The following ATP4A variants were observed in gnomAD, a reference collection of about 807,000 sequenced individuals.
The protein encoded by ATP4A is potassium-transporting ATPase alpha chain 1.
In ATP4A, 73 loss-of-function variants were observed where a neutral mutation model predicts 112.1. That is an observed-to-expected ratio of 0.65 (90% CI 0.54 to 0.79). The LOEUF (loss-of-function observed/expected upper bound fraction) is 0.79, where lower values mean the gene tolerates loss of function less well. Ranked by LOEUF, ATP4A falls within the 30% of genes least tolerant of loss-of-function variation. The pLI, the probability that ATP4A is intolerant of heterozygous loss-of-function variation, is 0.00. For missense variants in ATP4A, 1,081 were observed against 1,425.9 expected (o/e 0.76, Z 3.90); for synonymous variants, 588 against 588.9 (o/e 1.00, Z 0.02).
chr19:35,559,051 C>T lies in ATP4A; in HGVS notation c.1197G>A (p.Val399=). ...TGTGGTTGTCAAACCACAGATGGGA[C>T]ACAGTCATGCGGTTCTGAGTGAGAG... ...TGTLTQNRMT[V]SHLWFDNHIH... is the part of the protein sequence containing the mutation. Residue 399 remains valine, a synonymous_variant, in exon 8 of 22, where the codon GTG becomes GTA. Coordinates refer to ENST00000262623, the MANE Select transcript of ATP4A (RefSeq NM_000704.3). The surrounding 1 kb of genome is among the most constrained non-coding windows in gnomAD (Gnocchi z 4.1). 1 of 1,614,232 alleles carries T rather than the reference C, an allele frequency of 6.2e-7. No individual in the cohort carries two copies. The highest frequency in any genetic ancestry group is 8.5e-7 in the Non-Finnish European group (1 of 1,180,042).
chr19:35,562,927 G>A (rs77824278), intron 3 of ATP4A, among the ~76,000 whole-genome samples: 1,559 of 149,962 alleles, frequency 0.01, 60 homozygotes, highest in East Asian at 0.096. Context: ...TCCTCTCTCC[G>A]TCTCTGTGTG....
Position 35,557,130 on chromosome 19 carries a change from C to A in ATP4A, c.1694-42G>T, listed in dbSNP as rs1380923173. On this transcript the variant is annotated intron_variant, in intron 11 of 21. Transcript: ENST00000262623. The surrounding 1 kb of genome is among the most constrained non-coding windows in gnomAD (Gnocchi z 4.4). Reference sequence around the variant, plus strand: ...AAGTCAGGGAAGAGCCCTGGGCACACCCTTTCTTAGCAGGGCCAGGAAATG... The same window carrying A: ...AAGTCAGGGAAGAGCCCTGGGCACAACCTTTCTTAGCAGGGCCAGGAAATG... 6.8e-6 allele frequency: 11 copies of A among 1,607,142 alleles called. No homozygotes were observed. The highest frequency in any genetic ancestry group is 9.4e-6 in the Non-Finnish European group (11 of 1,175,612).
chr19:35,552,931 C>G (rs1373321190), intron 18 of ATP4A, 106 bp downstream of exon 18: 14 of 1,409,696 alleles, frequency 9.9e-6, no homozygotes, highest in Non-Finnish European at 1.2e-5. Context: ...CCGGGATGCT[C>G]TGGCTGAACT....
chr19:35,560,048 G>A lies in ATP4A; in HGVS notation c.813C>T (p.Asn271=). Residue 271 remains asparagine, a synonymous_variant, in exon 7 of 22, where the codon AAC becomes AAT. Transcript: ENST00000262623. This position sits in a 1 kb window ranked among gnomAD's most constrained non-coding sequence, Gnocchi z 5.1. The stretch of plus-strand genomic sequence containing the variant: ...GCCCAATGATGGTGCGGTCGCCCGT[G>A]TTCACCACCAGGCCCTGCACGGTGC... ...LEGTVQGLVV[N]TGDRTIIGRI... 1 of 1,614,108 alleles carries A rather than the reference G, an allele frequency of 6.2e-7. No individual in the cohort carries two copies. Among genetic ancestry groups the A allele is most frequent in the Non-Finnish European group, 8.5e-7 (1 of 1,179,958 alleles).
Position 35,555,669 on chromosome 19 carries a change from G to A in ATP4A, c.2006+7C>T. 2 of 1,596,952 alleles carry A rather than the reference G, an allele frequency of 1.3e-6. No homozygotes were observed. Among genetic ancestry groups the A allele is most frequent in the Non-Finnish European group, 1.7e-6 (2 of 1,166,082 alleles). On this transcript the variant is annotated splice_region_variant and intron_variant, in intron 13 of 21. Coordinates refer to ENST00000262623, the MANE Select transcript of ATP4A (RefSeq NM_000704.3). This position sits in a 1 kb window ranked among gnomAD's most constrained non-coding sequence, Gnocchi z 6.6. The stretch of plus-strand genomic sequence containing the variant: ...GGAGAACCCCGGGGAGGTCTGGGGG[G>A]GCTTACTTGCGATTAACCTGGTCTA...
Position 35,560,346 on chromosome 19 carries a change from G to T in ATP4A, c.787+17C>A. 6.2e-7 allele frequency: 1 copy of T among 1,611,706 alleles called. No individual in the cohort carries two copies. The highest frequency in any genetic ancestry group is 1.1e-5 in the South Asian group (1 of 91,022). On this transcript the variant is annotated intron_variant, in intron 6 of 21. Transcript: ENST00000262623. The surrounding 1 kb of genome is among the most constrained non-coding windows in gnomAD (Gnocchi z 5.1). Reference sequence around the variant, plus strand: ...GAGGCAGCAGTTACTGGGCAGGCAGGCGGGGGCTTCACAGACCCTCAAGGC... The same window carrying T: ...GAGGCAGCAGTTACTGGGCAGGCAGTCGGGGGCTTCACAGACCCTCAAGGC...
In ATP4A at chr19:35,550,536, G is replaced by T. The variant is rs2071595296; in HGVS notation, c.*79C>A. The T allele has an allele frequency of 7.7e-6, 12 of 1,568,332 alleles. No individual in the cohort carries two copies. Among genetic ancestry groups the T allele is most frequent in the Non-Finnish European group, 1.1e-5 (12 of 1,141,026 alleles). Reference sequence around the variant, plus strand: ...GACTCTTGGTTGCTCAGATATCTTGGTGGCTGTCCAGAGGGTCCCACGAGC... The same window carrying T: ...GACTCTTGGTTGCTCAGATATCTTGTTGGCTGTCCAGAGGGTCCCACGAGC... On this transcript the variant is annotated 3_prime_UTR_variant, in exon 22 of 22. Coordinates refer to ENST00000262623, the MANE Select transcript of ATP4A (RefSeq NM_000704.3). The surrounding 1 kb of genome is among the most constrained non-coding windows in gnomAD (Gnocchi z 4.1).
rs1046858608 is a variant in ATP4A, at chr19:35,563,095, T to C, written c.216+114A>G. 140 of 968,616 alleles carry C rather than the reference T, an allele frequency of 1.4e-4. 2 individuals carry two copies. Among genetic ancestry groups the C allele is most frequent in the South Asian group, 1.1e-3 (75 of 70,010 alleles). The allele number at this position is 968,616 out of a possible 1,614,324, so 60.0% of individuals were successfully genotyped here. A position where few individuals can be genotyped will look rare whatever the true frequency, so the allele number is the denominator to read the frequency against. Reference sequence around the variant, plus strand: ...CCCTCCCTCTCTCTATTTCTCCATATCTTCCTCTCTTCATCTCTCCCTCTC... The same window carrying C: ...CCCTCCCTCTCTCTATTTCTCCATACCTTCCTCTCTTCATCTCTCCCTCTC... On this transcript the variant is annotated intron_variant, in intron 3 of 21. Coordinates refer to ENST00000262623, the MANE Select transcript of ATP4A (RefSeq NM_000704.3).
At position 35,553,315 on chromosome 19, in the gene ATP4A, GAGAC is replaced by G. The variant is rs558124363; in HGVS notation, c.2606-137_2606-134del. On this transcript the variant is annotated intron_variant, in intron 17 of 21. Coordinates refer to ENST00000262623, the MANE Select transcript of ATP4A (RefSeq NM_000704.3). ...ACACACAGACAGGGACACGGGAAGA[GAGAC>G]AGGGACACAGATACACAAGGTCAAG... 4.4e-5 allele frequency: 47 copies of G among 1,067,406 alleles called. No individual in the cohort carries two copies. In the Middle Eastern group the frequency reaches 9.1e-4, roughly 21 times the overall value. The allele number at this position is 1,067,406 out of a possible 1,614,324, so 66.1% of individuals were successfully genotyped here.
intron 3 of ATP4A, 124 bp downstream of exon 3, chr19:35,563,085 T>G: frequency 1.2e-6 from 1 of 812,516 alleles, no homozygotes; most frequent in East Asian, 4.6e-5. Flanking sequence ...CCTCTCTCTA[T>G]TTCTCCATAT....
rs543055639 is a variant in ATP4A, at chr19:35,559,481, G to A, written c.1057-290C>T. On this transcript the variant is annotated intron_variant, in intron 7 of 21. Coordinates refer to ENST00000262623, the MANE Select transcript of ATP4A (RefSeq NM_000704.3). The surrounding 1 kb of genome is among the most constrained non-coding windows in gnomAD (Gnocchi z 4.1). ...CAAAATGAGAAGAGGAACCTTCCCC[G>A]CACCTCCCTGGGGACTGGTCTGGAG... Among the ~76,000 whole-genome samples, 32 of 152,194 alleles carry A rather than the reference G, an allele frequency of 2.1e-4. No homozygotes were observed. Among genetic ancestry groups the A allele is most frequent in the Non-Finnish European group, 4.3e-4 (29 of 68,030 alleles).
intron 12 of ATP4A, among the ~76,000 whole-genome samples, chr19:35,556,594 GGGTGGCTAAGCA>G (rs2071632643): frequency 6.6e-6 from 1 of 152,170 alleles, no homozygotes; most frequent in Admixed American, 6.5e-5. Flanking sequence ...TCTTTTTGTG[GGGTGGCTAAGCA>G]GGTGGGAGTT....
rs2071622823 is a variant in ATP4A, at chr19:35,555,110, CA to C, written c.2327-35del. The C allele has an allele frequency of 6.2e-7, 1 of 1,613,324 alleles. No homozygotes were observed. The highest frequency in any genetic ancestry group is 1.1e-5 in the South Asian group (1 of 90,974). On this transcript the variant is annotated intron_variant, in intron 15 of 21. Coordinates refer to ENST00000262623, the MANE Select transcript of ATP4A (RefSeq NM_000704.3). This position sits in a 1 kb window ranked among gnomAD's most constrained non-coding sequence, Gnocchi z 6.6. ...TAGGGTGGGCACCTCAGCCTCCTCA[CA>C]GCCCTCTCCCTCCTGTGCCCACACT...
At position 35,562,507 on chromosome 19, in the gene ATP4A, C is replaced by T; in HGVS notation, c.348G>A (p.Trp116Ter). The T allele has an allele frequency of 6.2e-7, 1 of 1,614,172 alleles. No individual in the cohort carries two copies. Among genetic ancestry groups the T allele is most frequent in the South Asian group, 1.1e-5 (1 of 91,078 alleles). ...CGATGAGGCAGATGGCGGCGGCAAC[C>T]CACATGAGGCACTGCAGGCCCCCGG... is the stretch of plus-strand genomic sequence containing the variant. ...QLAGGLQCLM[W>*]VAAAICLIAF... The change falls in exon 4 of 22, where the codon TGG becomes TGA. Residue 116 changes from tryptophan to a stop codon, truncating the protein, a stop_gained. Coordinates refer to ENST00000262623, the MANE Select transcript of ATP4A (RefSeq NM_000704.3). LOFTEE classifies it high-confidence loss of function.
Position 35,558,395 on chromosome 19 carries a change from G to A in ATP4A, c.1467C>T (p.Cys489=), listed in dbSNP as rs2071645754. ...MGYRDRFPKV[C]EIPFNSTNKF... is the part of the protein sequence containing the mutation. ...TGTTGGTGGAGTTGAAGGGTATCTC[G>A]CAGACTTTTGGGAAGCGGTCCCGGT... The change falls in exon 10 of 22, where the codon TGC becomes TGT. Residue 489 remains cysteine, a synonymous_variant. Coordinates refer to ENST00000262623, the MANE Select transcript of ATP4A (RefSeq NM_000704.3). This position sits in a 1 kb window ranked among gnomAD's most constrained non-coding sequence, Gnocchi z 5.1. The A allele has an allele frequency of 1.2e-6, 2 of 1,611,440 alleles. No homozygotes were observed. Among genetic ancestry groups the A allele is most frequent in the South Asian group, 1.1e-5 (1 of 90,546 alleles).
At chr19:35,556,163 C>A (rs746884715) in intron 12 of ATP4A, among the ~76,000 whole-genome samples, 1 of 152,092 alleles carries the variant, frequency 6.6e-6, no homozygotes, top group East Asian at 1.9e-4. Context: ...GAGTCAGCCA[C>A]GTGGAAAGCT....
In ATP4A at chr19:35,560,348, G is replaced by A. The variant is rs763865196; in HGVS notation, c.787+15C>T. The A allele has an allele frequency of 2.5e-5, 41 of 1,611,422 alleles. No homozygotes were observed. Among genetic ancestry groups the A allele is most frequent in the Non-Finnish European group, 3.1e-5 (36 of 1,178,512 alleles). ...GGCAGCAGTTACTGGGCAGGCAGGC[G>A]GGGGCTTCACAGACCCTCAAGGCAC... On this transcript the variant is annotated intron_variant, in intron 6 of 21. Coordinates refer to ENST00000262623, the MANE Select transcript of ATP4A (RefSeq NM_000704.3). The surrounding 1 kb of genome is among the most constrained non-coding windows in gnomAD (Gnocchi z 5.1).
Position 35,557,552 on chromosome 19 carries a change from A to T in ATP4A, c.1693+103T>A. 3 of 1,362,398 alleles carry T rather than the reference A, an allele frequency of 2.2e-6. No individual in the cohort carries two copies. Among genetic ancestry groups the T allele is most frequent in the Non-Finnish European group, 3.0e-6 (3 of 1,009,222 alleles). 84.4% of individuals were successfully genotyped at this position (1,362,398 alleles called of 1,614,324 possible). ...TGTGGACTGCGACAAATCAGCCAGC[A>T]GCCAGGGATGAGGACGGTCAGGGCT... On this transcript the variant is annotated intron_variant, in intron 11 of 21. Coordinates refer to ENST00000262623, the MANE Select transcript of ATP4A (RefSeq NM_000704.3). The surrounding 1 kb of genome is among the most constrained non-coding windows in gnomAD (Gnocchi z 4.4).
Position 35,559,967 on chromosome 19 carries a change from C to A in ATP4A, c.894G>T (p.Glu298Asp), listed in dbSNP as rs2071657991. Reference sequence around the variant, plus strand: ...CGATGATGTCCACAAAATGCTCGATCTCGATAGCGATGGGTGTCTTCTCGT... The same window carrying A: ...CGATGATGTCCACAAAATGCTCGATATCGATAGCGATGGGTGTCTTCTCGT... ...VENEKTPIAI[E>D]IEHFVDIIAG... The change falls in exon 7 of 22, where the codon GAG becomes GAT. Residue 298 changes from glutamate to aspartate, a missense_variant. By Grantham distance (45) the Glu-to-Asp change is conservative. Around this residue, in one of 3 missense-constraint regions of ATP4A, gnomAD observed 850 missense variants for 1,068.2 expected, o/e 0.80. Coordinates refer to ENST00000262623, the MANE Select transcript of ATP4A (RefSeq NM_000704.3). The surrounding 1 kb of genome is among the most constrained non-coding windows in gnomAD (Gnocchi z 4.1). The A allele has an allele frequency of 6.2e-7, 1 of 1,614,246 alleles. No homozygotes were observed. The highest frequency in any genetic ancestry group is 1.3e-5 in the African/African-American group (1 of 75,058).
Sources: gnomAD v4.1 joint callset for allele counts (sites outside exome capture counted in the v4.1 genomes callset) on GRCh38, gnomAD v4.1.1 for gene constraint, gnomAD v4.1.1 regional missense constraint, Gnocchi (gnomAD v3.1) non-coding constraint, MANE v1.5 for transcripts, NCBI Gene and HGNC (gene_info 2026-07-23, HGNC 2026-07-21) for gene names.